CGREF1: variants seen among roughly 807,000 people sequenced by gnomAD.
CGREF1 encodes cell growth regulator with EF-hand domain 1.
Under a neutral mutation model 17.4 loss-of-function variants are expected in CGREF1, and 16 were observed. That is an observed-to-expected ratio of 0.92 (90% CI 0.62 to 1.40). CGREF1 has a LOEUF of 1.40. CGREF1 is among the 40% of genes most tolerant of loss of function. CGREF1 has a pLI of 0.00. For missense variants in CGREF1, 296 were observed against 376.4 expected (o/e 0.79, Z 1.77); for synonymous variants, 142 against 154.6 (o/e 0.92, Z 0.61).
chr2:27,100,485 G>A, downstream of CGREF1: 1 of 1,290,994 alleles, frequency 7.7e-7, no homozygotes, highest in Non-Finnish European at 1.0e-6. Context: ...CCTCAGGGAG[G>A]TCCGATCTGG....
At chr2:27,114,928 G>T (rs1456078372) in intron 1 of CGREF1, among the ~76,000 whole-genome samples, 1 of 152,114 alleles carries the variant, frequency 6.6e-6, no homozygotes, top group East Asian at 1.9e-4. Flanking sequence ...GTGTGACAGG[G>T]TCTCACATGT....
intron 1 of CGREF1, among the ~76,000 whole-genome samples, chr2:27,105,827 G>GT (rs1191040557): frequency 1.3e-5 from 2 of 152,214 alleles, no homozygotes; most frequent in Non-Finnish European, 2.9e-5. Context: ...GATTACAGGC[G>GT]TGAGGCACTG....
In CGREF1 at chr2:27,104,423, C is replaced by T. The variant is rs768349599; in HGVS notation, c.-11-46G>A. The T allele has an allele frequency of 5.6e-6, 9 of 1,603,450 alleles. No homozygotes were observed. The South Asian group carries it at 1.0e-4, about 18-fold the overall frequency. ...AGGGGTCGGGGGAAAGAGGCGTCTG[C>T]CACCGTGTCACAGATGGGCTGGGTT... On this transcript the variant is annotated intron_variant, in intron 1 of 5. Coordinates refer to ENST00000402394, the MANE Select transcript of CGREF1 (RefSeq NM_006569.6).
downstream of CGREF1, chr2:27,099,577 G>A (rs202164115): frequency 3.9e-5 from 63 of 1,614,134 alleles, no homozygotes; most frequent in Non-Finnish European, 5.3e-5. Flanking sequence ...CCTCTCCCAG[G>A]GTGAGTATGG....
chr2:27,100,569 A>G, downstream of CGREF1: 1 of 1,286,474 alleles, frequency 7.8e-7, no homozygotes, highest in Non-Finnish European at 1.0e-6. Flanking sequence ...CATATAATGT[A>G]AAGGGCTTTA....
chr2:27,102,391 T>A lies in CGREF1; in HGVS notation c.186A>T (p.Glu62Asp). The A allele has an allele frequency of 6.2e-7, 1 of 1,614,160 alleles. No homozygotes were observed. The highest frequency in any genetic ancestry group is 1.1e-5 in the South Asian group (1 of 91,078). Residue 62 changes from glutamate (E) to aspartate (D), a missense_variant, in exon 4 of 6, where the codon GAA (glutamate) becomes GAT (aspartate). Around this residue, in one of 3 missense-constraint regions of CGREF1, gnomAD observed 247 missense variants for 267.2 expected, o/e 0.92. Transcript: ENST00000402394. ...QSYLKGLGRT[E>D]VQLEHLSREQ... ...CCCGGCTCAGATGCTCCAGTTGCAC[T>A]TCTGTCCTTCCTAGTCCCTTTAGGT...
downstream of CGREF1, chr2:27,099,967 C>T (rs1419607585): frequency 3.1e-5 from 31 of 986,676 alleles, no homozygotes; most frequent in Non-Finnish European, 4.6e-5. Flanking sequence ...TTCCTCAGAG[C>T]CAGCTTCTCC....
Position 27,114,906 on chromosome 2 carries a change from G to T in CGREF1, c.-12+3940C>A, listed in dbSNP as rs752341687. On this transcript the variant is annotated intron_variant, in intron 1 of 5. Transcript: ENST00000402394. ...AAGTCAACATCAACGTTATCTTTTTGTGTGTGTGTGTGTGTGACAGGGTCT... is the reference window on the plus strand; with the variant it reads ...AAGTCAACATCAACGTTATCTTTTTTTGTGTGTGTGTGTGTGACAGGGTCT... 1.4e-4 allele frequency among the ~76,000 whole-genome samples: 21 copies of T among 151,540 alleles called. No homozygotes were observed. The East Asian group carries it at 1.5e-3, about 11-fold the overall frequency.
downstream of CGREF1, chr2:27,099,794 G>A (rs768046251): frequency 1.1e-5 from 18 of 1,601,228 alleles, no homozygotes; most frequent in Admixed American, 1.7e-4. Context: ...CTACCATTGC[G>A]GCTGCATCGC....
intron 2 of CGREF1, among the ~76,000 whole-genome samples, chr2:27,103,382 T>TA (rs901586203): frequency 1.3e-5 from 2 of 151,026 alleles, no homozygotes; most frequent in Non-Finnish European, 3.0e-5. Context: ...CATAAGGTCT[T>TA]TTTTTTTCTG....
At position 27,102,154 on chromosome 2, in the gene CGREF1, C is replaced by A; in HGVS notation, c.285G>T (p.Leu95=). 1 of 1,612,538 alleles carries A rather than the reference C, an allele frequency of 6.2e-7. No homozygotes were observed. Among genetic ancestry groups the A allele is most frequent in the Non-Finnish European group, 8.5e-7 (1 of 1,178,724 alleles). Residue 95 remains leucine (L), a synonymous_variant, in exon 5 of 6, where the codon CTG becomes CTT. Transcript: ENST00000402394. ...QSGQLDGLEL[L]SMLTAALAPG... ...GGGCCAGAGCAGCTGTCAACATGGA[C>A]AGCAGCTCCAGGCCATCCAGCTGTC...
downstream of CGREF1, chr2:27,099,652 G>A: frequency 6.2e-7 from 1 of 1,614,106 alleles, no homozygotes; most frequent in African/African-American, 1.3e-5. Flanking sequence ...CTAGCTACTT[G>A]CCCCTCCTCC....
Position 27,105,192 on chromosome 2 carries a change from C to A in CGREF1, c.-11-815G>T, listed in dbSNP as rs1671069589. On this transcript the variant is annotated intron_variant, in intron 1 of 5. Transcript: ENST00000402394. ...GAGTTCCTGAGGAAGCAGAAGCCCA[C>A]CAAAGCCAAGGCATGAGACCCCAAG... Among the ~76,000 whole-genome samples, 3 of 152,276 alleles carry A rather than the reference C, an allele frequency of 2.0e-5. No homozygotes were observed. The South Asian group carries it at 6.2e-4, about 32-fold the overall frequency.
chr2:27,104,479 C>T, intron 1 of CGREF1, 102 bp from the exon 2 acceptor site: 1 of 1,554,040 alleles, frequency 6.4e-7, no homozygotes, highest in Non-Finnish European at 8.7e-7. Flanking sequence ...CCTGCTTCTA[C>T]CTGCAGCCCC....
rs1670821753 is a variant in CGREF1 at position 27,101,352 on chromosome 2, T to G, written c.879A>C (p.Pro293=). ...RENGEEAKEL[P]GETLESKNTQ... Reference sequence around the variant, plus strand: ...TGTTCTTAGACTCCAGTGTTTCCCCTGGAAGTTCCTTGGCCTCCTCTCCAT... The same window carrying G: ...TGTTCTTAGACTCCAGTGTTTCCCCGGGAAGTTCCTTGGCCTCCTCTCCAT... The change falls in exon 6 of 6, where the codon CCA becomes CCC. Residue 293 remains proline, a synonymous_variant. Transcript: ENST00000402394. 7 of 1,612,034 alleles carry G rather than the reference T, an allele frequency of 4.3e-6. No individual in the cohort carries two copies. Among genetic ancestry groups the G allele is most frequent in the Non-Finnish European group, 4.2e-6 (5 of 1,178,860 alleles).
intron 1 of CGREF1, among the ~76,000 whole-genome samples, chr2:27,111,324 G>C (rs1671372651): frequency 6.6e-6 from 1 of 152,204 alleles, no homozygotes; most frequent in African/African-American, 2.4e-5. Flanking sequence ...CTAGACACAG[G>C]GTGCTGATTG....
chr2:27,100,892 G>A lies in CGREF1; in HGVS notation c.*382C>T. 9.1e-7 allele frequency: 1 copy of A among 1,094,096 alleles called. No homozygotes were observed. The allele number at this position is 1,094,096 out of a possible 1,614,324, so 67.8% of individuals were successfully genotyped here. ...AACCGGTGAGGGTTTGGGGCCCAGG[G>A]ATAGACTGAGCTTTCCTCACTGGGT... On this transcript the variant is annotated 3_prime_UTR_variant, in exon 6 of 6. Coordinates refer to ENST00000402394, the MANE Select transcript of CGREF1 (RefSeq NM_006569.6).
intron 2 of CGREF1, chr2:27,102,845 T>G: frequency 1.3e-6 from 1 of 778,334 alleles, no homozygotes; most frequent in Non-Finnish European, 1.6e-6. Context: ...ACTGGTTAGG[T>G]AGAGGCCAGA....
chr2:27,099,411 G>A (rs201453373), downstream of CGREF1: 292 of 1,613,524 alleles, frequency 1.8e-4, no homozygotes, highest in African/African-American at 2.7e-3. Flanking sequence ...GAGTGGAGCC[G>A]TCTTGCAGGG....
Sources: gnomAD v4.1 joint callset for allele counts (sites outside exome capture counted in the v4.1 genomes callset) on GRCh38, gnomAD v4.1.1 for gene constraint, gnomAD v4.1.1 regional missense constraint, MANE v1.5 for transcripts, NCBI Gene and HGNC (gene_info 2026-07-23, HGNC 2026-07-21) for gene names.